TENM2: variants seen among roughly 807,000 people sequenced by gnomAD.
TENM2 encodes teneurin-2.
TENM2 carries 52 observed loss-of-function variants against 245.2 expected under a neutral mutation model. The ratio of observed to expected loss-of-function variants is 0.21; its 90% CI spans 0.17 to 0.27. The LOEUF is 0.27. Among genes scored for constraint, TENM2 ranks in the 10% least tolerant of loss-of-function variants. The pLI is 1.00. For missense variants in TENM2, 3,046 were observed against 3,666.8 expected, an observed-to-expected ratio of 0.83 and a Z score of 4.37; for synonymous variants, 1,363 against 1,438.9, an observed-to-expected ratio of 0.95 and a Z score of 1.19.
At chr5:167,640,193 G>T (rs1248035529) in intron 2 of TENM2, among the ~76,000 whole-genome samples, 1 of 152,108 alleles carries the variant, frequency 6.6e-6, no homozygotes, top group African/African-American at 2.4e-5. Flanking sequence ...ATTCTTTCTA[G>T]CTATATGGAC....
the TENM2 span, among the ~76,000 whole-genome samples, chr5:166,979,828 C>T: frequency 6.6e-6 from 1 of 152,042 alleles, no homozygotes; most frequent in Non-Finnish European, 1.5e-5. Context: ...TATTTCCCTG[C>T]AGAAGGACTG....
chr5:167,067,881 G>C, the TENM2 span, among the ~76,000 whole-genome samples: 1 of 152,132 alleles, frequency 6.6e-6, no homozygotes, highest in Admixed American at 6.6e-5. Context: ...GGATATCAAT[G>C]AATTTCAAAT....
At position 167,626,109 on chromosome 5, in the gene TENM2, G is replaced by T. The variant is rs1296144212; in HGVS notation, c.503-249877G>T. Among the ~76,000 whole-genome samples the T allele has an allele frequency of 5.3e-5, 8 of 152,296 alleles. No individual in the cohort carries two copies. In the East Asian group the frequency reaches 1.4e-3, roughly 26 times the overall value. ...TTAAAGCAGAGAAAGATTAGGCTCT[G>T]CCTTTGGAAGGAGGAAGTGCCAAAG... is the stretch of plus-strand genomic sequence containing the variant. On this transcript the variant is annotated intron_variant, in intron 2 of 28. Coordinates refer to ENST00000518659, the Ensembl canonical transcript of TENM2.
intron 3 of TENM2, among the ~76,000 whole-genome samples, chr5:167,895,502 CATT>C (rs1775146089): frequency 6.6e-6 from 1 of 152,240 alleles, no homozygotes. Flanking sequence ...CGATTTGAAC[CATT>C]GCTGCTTGAT....
intron 2 of TENM2, among the ~76,000 whole-genome samples, chr5:167,690,935 G>A (rs1390616825): frequency 2.6e-4 from 34 of 131,046 alleles, no homozygotes; most frequent in African/African-American, 1.0e-3. Flanking sequence ...GTGTGTGTGT[G>A]TGTGTGTGTG....
At chr5:167,764,622 T>C (rs1006437161) in intron 2 of TENM2, among the ~76,000 whole-genome samples, 4 of 152,166 alleles carry the variant, frequency 2.6e-5, no homozygotes, top group African/African-American at 9.7e-5. Context: ...TAGATCTAAA[T>C]AGAGCGCATT....
chr5:167,602,192 G>A (rs551502834), intron 2 of TENM2, among the ~76,000 whole-genome samples: 1 of 152,044 alleles, frequency 6.6e-6, no homozygotes, highest in African/African-American at 2.4e-5. Flanking sequence ...GAATAATAGA[G>A]CGTTTTCAGA....
intron 4 of TENM2, among the ~76,000 whole-genome samples, chr5:167,974,887 C>T (rs1031503750): frequency 3.3e-5 from 5 of 152,210 alleles, no homozygotes; most frequent in African/African-American, 4.8e-5. Flanking sequence ...TTCCTCACTT[C>T]CCTCCACAGA....
At chr5:167,884,672 TG>T (rs1774145727) in intron 3 of TENM2, among the ~76,000 whole-genome samples, 1 of 152,238 alleles carries the variant, frequency 6.6e-6, no homozygotes, top group African/African-American at 2.4e-5. Flanking sequence ...GACACTTCGG[TG>T]GTTTCTACCT....
the TENM2 span, among the ~76,000 whole-genome samples, chr5:167,122,688 A>G: frequency 6.6e-6 from 1 of 152,196 alleles, no homozygotes; most frequent in Non-Finnish European, 1.5e-5. Context: ...GGAGGTCAGC[A>G]TCGTAGCTAA....
intron 2 of TENM2, among the ~76,000 whole-genome samples, chr5:167,553,495 G>T (rs772899998): frequency 6.6e-6 from 1 of 152,202 alleles, no homozygotes; most frequent in Non-Finnish European, 1.5e-5. Flanking sequence ...CTAGCTCTGG[G>T]CTGGGTAATG....
At chr5:167,079,317 G>A in the TENM2 span, among the ~76,000 whole-genome samples, 1 of 147,050 alleles carries the variant, frequency 6.8e-6, no homozygotes, top group African/African-American at 2.5e-5. Context: ...ATAATATAAT[G>A]TATATATATA....
At chr5:167,433,482 A>T (rs1764366161) in intron 2 of TENM2, among the ~76,000 whole-genome samples, 1 of 152,034 alleles carries the variant, frequency 6.6e-6, no homozygotes, top group Admixed American at 6.6e-5. Context: ...TTCAAAGATT[A>T]TTTTCCCCTC....
rs1052542153 is a variant in TENM2, at chr5:167,459,505, T to G, written c.502+84032T>G. On this transcript the variant is annotated intron_variant, in intron 2 of 28. Coordinates refer to ENST00000518659, the Ensembl canonical transcript of TENM2. ...ATACTCTATATTCAATCCTTTGGGG[T>G]ATATACCCCCAAATGGGATTACCAG... 1.4e-4 allele frequency among the ~76,000 whole-genome samples: 21 copies of G among 152,194 alleles called. 1 individual carries two copies. The highest frequency in any genetic ancestry group is 5.1e-4 in the African/African-American group (21 of 41,458).
At chr5:167,118,057 T>C in the TENM2 span, among the ~76,000 whole-genome samples, 1 of 152,334 alleles carries the variant, frequency 6.6e-6, no homozygotes, top group African/African-American at 2.4e-5. Context: ...ATTTTAAAAA[T>C]GTGTTTTCTT....
At chr5:167,937,020 T>C (rs114434384) in intron 3 of TENM2, among the ~76,000 whole-genome samples, 2,356 of 152,352 alleles carry the variant, frequency 0.015, 26 homozygotes, top group Non-Finnish European at 0.024. Flanking sequence ...AACATTTGTA[T>C]ATATTTATGG....
intron 7 of TENM2, among the ~76,000 whole-genome samples, chr5:168,078,560 T>G (rs1239183597): frequency 6.6e-6 from 1 of 152,232 alleles, no homozygotes; most frequent in Non-Finnish European, 1.5e-5. Flanking sequence ...TTTATGGTTT[T>G]AGGTCTAATA....
chr5:167,390,397 T>C (rs1199397756), intron 2 of TENM2, among the ~76,000 whole-genome samples: 1 of 152,192 alleles, frequency 6.6e-6, no homozygotes, highest in Non-Finnish European at 1.5e-5. Context: ...TCACATCTAC[T>C]AAGACAGTCT....
chr5:167,915,419 A>C (rs1182693495), intron 3 of TENM2, among the ~76,000 whole-genome samples: 1 of 152,084 alleles, frequency 6.6e-6, no homozygotes, highest in Non-Finnish European at 1.5e-5. Context: ...CGTTCTTGGA[A>C]GTGTCTTTTC....
Sources: allele counts gnomAD v4.1 joint callset (sites outside exome capture counted in the v4.1 genomes callset), GRCh38; gene constraint gnomAD v4.1.1; transcripts MANE v1.5; gene names NCBI Gene and HGNC (gene_info 2026-07-23, HGNC 2026-07-21).